FILIP1: variants seen among roughly 807,000 people sequenced by gnomAD.
FILIP1 encodes the protein filamin A interacting protein 1.
A neutral mutation model predicts 102.1 loss-of-function variants in FILIP1; 61 were observed. That is an observed-to-expected ratio of 0.60 (90% CI 0.49 to 0.74). The LOEUF is 0.74. Among genes scored for constraint, FILIP1 ranks in the 30% least tolerant of loss-of-function variants. FILIP1 has a pLI of 0.00. For synonymous variants in FILIP1, 491 were observed against 526.9 expected (o/e 0.93, Z 0.93); for missense variants, 1,314 against 1,441.2 (o/e 0.91, Z 1.43).
chr6:75,430,908 C>T (rs1475913054), intron 1 of FILIP1, among the ~76,000 whole-genome samples: 1 of 152,188 alleles, frequency 6.6e-6, no homozygotes, highest in Non-Finnish European at 1.5e-5. Flanking sequence ...CACAAAAACA[C>T]ATAGCTGTCT....
intron 4 of FILIP1, among the ~76,000 whole-genome samples, chr6:75,341,931 A>C (rs2149589408): frequency 6.6e-6 from 1 of 152,332 alleles, no homozygotes; most frequent in African/African-American, 2.4e-5. Context: ...AGATGAGTAA[A>C]AGAAATGATC....
intron 1 of FILIP1, among the ~76,000 whole-genome samples, chr6:75,442,743 GGGGAGA>G (rs998473592): frequency 5.9e-5 from 9 of 152,142 alleles, no homozygotes; most frequent in Non-Finnish European, 8.8e-5. Flanking sequence ...GGGAGACCGT[GGGGAGA>G]GGGAGAGGGA....
intron 5 of FILIP1, among the ~76,000 whole-genome samples, chr6:75,309,273 T>C (rs1773099757): frequency 6.6e-6 from 1 of 152,160 alleles, no homozygotes; most frequent in South Asian, 2.1e-4. Context: ...CTTTCTTCCA[T>C]TTCAGATGAA....
chr6:75,388,763 A>C (rs1448245959), intron 2 of FILIP1, among the ~76,000 whole-genome samples: 2 of 152,218 alleles, frequency 1.3e-5, no homozygotes, highest in Non-Finnish European at 2.9e-5. Flanking sequence ...TTATCAGCTT[A>C]AGGAGTTTTG....
intron 5 of FILIP1, among the ~76,000 whole-genome samples, chr6:75,311,657 C>A (rs954330087): frequency 6.6e-6 from 1 of 152,074 alleles, no homozygotes; most frequent in Non-Finnish European, 1.5e-5. Context: ...CCATCATGCT[C>A]AGCTAATTTT....
intron 2 of FILIP1, among the ~76,000 whole-genome samples, chr6:75,395,837 T>G (rs1399595121): frequency 1.3e-5 from 2 of 152,166 alleles, no homozygotes; most frequent in Non-Finnish European, 2.9e-5. Flanking sequence ...GAGTCCTTGA[T>G]GAAATATGCA....
chr6:75,461,568 T>C (rs1163008242), intron 1 of FILIP1, among the ~76,000 whole-genome samples: 1 of 152,232 alleles, frequency 6.6e-6, no homozygotes, highest in Non-Finnish European at 1.5e-5. Flanking sequence ...GAGAAGTTTG[T>C]CCTGATTTGT....
Position 75,414,752 on chromosome 6 carries a change from T to G in FILIP1, c.221A>C (p.Glu74Ala). 1 of 1,613,910 alleles carries G rather than the reference T, an allele frequency of 6.2e-7. No homozygotes were observed. The highest frequency in any genetic ancestry group is 8.5e-7 in the Non-Finnish European group (1 of 1,179,796). Residue 74 changes from glutamate (E) to alanine (A), a missense_variant, in exon 2 of 6, where the codon GAG becomes GCG. Glu to Ala is a moderately radical substitution (Grantham distance 107, BLOSUM62 -1). Transcript: ENST00000237172. ...TTGGATGAGGTCTTCTTTGGATAAC[T>G]CCAGGGATTTCTTAGTTTTTCGTTC... Reference protein sequence around the residue: ...ECERKTKKSLELSKEDLIQLL... With the variant: ...ECERKTKKSLALSKEDLIQLL...
At chr6:75,442,630 T>G (rs1404077748) in intron 1 of FILIP1, among the ~76,000 whole-genome samples, 2 of 152,128 alleles carry the variant, frequency 1.3e-5, no homozygotes, top group Non-Finnish European at 2.9e-5. Context: ...AGCGCGCGCC[T>G]GCAATCGCAG....
At chr6:75,467,998 C>G (rs1779218745) in intron 1 of FILIP1, among the ~76,000 whole-genome samples, 1 of 152,108 alleles carries the variant, frequency 6.6e-6, no homozygotes. Flanking sequence ...AGCTGGGAGT[C>G]AAAGGTATGG....
At chr6:75,319,666 T>C in intron 4 of FILIP1, 1 of 346,586 alleles carries the variant, frequency 2.9e-6, no homozygotes, top group South Asian at 2.7e-5. Flanking sequence ...CTGTCTCTAC[T>C]AAAAATACAA....
At chr6:75,319,597 G>A (rs915855345) in intron 4 of FILIP1, 3 of 460,622 alleles carry the variant, frequency 6.5e-6, no homozygotes, top group South Asian at 1.8e-5. Flanking sequence ...TTGGGAGGCC[G>A]AGGCTGGCGG....
At chr6:75,471,307 T>C (rs945543544) in intron 1 of FILIP1, among the ~76,000 whole-genome samples, 6 of 151,904 alleles carry the variant, frequency 3.9e-5, no homozygotes, top group African/African-American at 1.5e-4. Context: ...AATAAAGGAT[T>C]AGAATCAATA....
chr6:75,319,223 C>T lies in FILIP1; in HGVS notation c.630-4021G>A. The T allele has an allele frequency of 6.7e-6, 5 of 749,290 alleles. 1 individual carries two copies. The Middle Eastern group carries it at 2.0e-3, about 301-fold the overall frequency. 46.4% of individuals were successfully genotyped at this position (749,290 alleles called of 1,614,324 possible). ...TCTTGTTTTTCCTTCAGCTTCGCAG[C>T]CTTCTTTTCATAAGGCTGCTTGTCA... On this transcript the variant is annotated intron_variant, in intron 4 of 5. Transcript: ENST00000237172.
At chr6:75,301,204 ATTG>A (rs1289527092) in intron 6 of FILIP1, among the ~76,000 whole-genome samples, 1 of 152,204 alleles carries the variant, frequency 6.6e-6, no homozygotes, top group East Asian at 1.9e-4. Context: ...TCATCAAAAT[ATTG>A]TTGTAAGAAC....
Position 75,414,825 on chromosome 6 carries a change from T to A in FILIP1, c.148A>T (p.Met50Leu). 1.2e-6 allele frequency: 2 copies of A among 1,613,932 alleles called. No individual in the cohort carries two copies. Among genetic ancestry groups the A allele is most frequent in the Non-Finnish European group, 1.7e-6 (2 of 1,179,856 alleles). The change falls in exon 2 of 6, where the codon ATG becomes TTG. Residue 50 changes from methionine to leucine, a missense_variant. By Grantham distance (15) the Met-to-Leu change is conservative (BLOSUM62 2). Transcript: ENST00000237172. ...KKSNRKEDDVMASGTVKRHLK... is the reference protein window; with the variant it reads ...KKSNRKEDDVLASGTVKRHLK... The stretch of plus-strand genomic sequence containing the variant: ...TGTCGTTTGACAGTTCCTGAGGCCA[T>A]GACATCATCCTCCTTCCTATTTGAT...
chr6:75,326,122 GAT>G (rs375389598), intron 4 of FILIP1, among the ~76,000 whole-genome samples: 4,022 of 149,452 alleles, frequency 0.027, 66 homozygotes, highest in Non-Finnish European at 0.042. Context: ...GAGATAGATA[GAT>G]ATACACACAC....
intron 3 of FILIP1, among the ~76,000 whole-genome samples, chr6:75,360,028 G>T (rs1053256328): frequency 6.6e-6 from 1 of 152,162 alleles, no homozygotes; most frequent in African/African-American, 2.4e-5. Context: ...CTCACTGAGG[G>T]CAAAGACAAT....
chr6:75,378,715 T>A (rs1005815551), intron 2 of FILIP1, among the ~76,000 whole-genome samples: 17 of 152,156 alleles, frequency 1.1e-4, no homozygotes, highest in Admixed American at 8.5e-4. Flanking sequence ...GAAAACTCCA[T>A]CAGCTTGGGT....
Sources: gnomAD v4.1 joint callset for allele counts (sites outside exome capture counted in the v4.1 genomes callset) on GRCh38, gnomAD v4.1.1 for gene constraint, MANE v1.5 for transcripts, NCBI Gene and HGNC (gene_info 2026-07-23, HGNC 2026-07-21) for gene names.